SYT1: variants seen among roughly 807,000 people sequenced by gnomAD.
The protein encoded by SYT1 is synaptotagmin-1.
In SYT1, 8 loss-of-function variants were observed where a neutral mutation model predicts 44.8. The ratio of observed to expected loss-of-function variants is 0.18; its 90% CI spans 0.10 to 0.32. The LOEUF (loss-of-function observed/expected upper bound fraction) is 0.32. Among genes scored for constraint, SYT1 ranks in the 10% least tolerant of loss-of-function variants. The pLI is 1.00. For missense variants in SYT1, 286 were observed against 509.3 expected, an observed-to-expected ratio of 0.56 and a Z score of 4.22; for synonymous variants, 154 against 188.8, an observed-to-expected ratio of 0.82 and a Z score of 1.51.
intron 3 of SYT1, among the ~76,000 whole-genome samples, chr12:79,067,139 A>G (rs979981171): frequency 6.6e-6 from 1 of 152,132 alleles, no homozygotes; most frequent in Non-Finnish European, 1.5e-5. Flanking sequence ...TACAAAATAG[A>G]CATGCTTTTT....
At chr12:78,894,924 A>C (rs569915297) in intron 1 of SYT1, among the ~76,000 whole-genome samples, 1 of 151,848 alleles carries the variant, frequency 6.6e-6, no homozygotes, top group Non-Finnish European at 1.5e-5. Flanking sequence ...TGTTCTCACC[A>C]CAAAAAAATA....
intron 9 of SYT1, among the ~76,000 whole-genome samples, chr12:79,433,507 G>T (rs1047569159): frequency 6.6e-6 from 1 of 151,784 alleles, no homozygotes; most frequent in South Asian, 2.1e-4. Flanking sequence ...GAAAAATCTC[G>T]CTAGTGACCT....
chr12:79,113,000 G>T (rs1187733203), intron 3 of SYT1, among the ~76,000 whole-genome samples: 3 of 152,078 alleles, frequency 2.0e-5, no homozygotes, highest in African/African-American at 7.2e-5. Context: ...CAACAGAAGT[G>T]TACAAAGAGA....
At chr12:79,246,252 A>G (rs531096047) in intron 4 of SYT1, among the ~76,000 whole-genome samples, 44 of 152,148 alleles carry the variant, frequency 2.9e-4, no homozygotes, top group Non-Finnish European at 5.3e-4. Context: ...TTTTCAATGT[A>G]GTACTTATTT....
intron 9 of SYT1, among the ~76,000 whole-genome samples, chr12:79,373,602 C>A (rs532456469): frequency 2.0e-5 from 3 of 151,972 alleles, no homozygotes; most frequent in East Asian, 3.9e-4. Context: ...ATGGTCACAT[C>A]AAAAAAATGC....
intron 4 of SYT1, among the ~76,000 whole-genome samples, chr12:79,250,659 CT>C (rs1320761934): frequency 6.6e-6 from 1 of 152,076 alleles, no homozygotes; most frequent in Non-Finnish European, 1.5e-5. Flanking sequence ...CTAGAAGAAT[CT>C]TCATATGATA....
chr12:78,950,282 TTAAA>T (rs1878892575), intron 1 of SYT1, among the ~76,000 whole-genome samples: 1 of 152,098 alleles, frequency 6.6e-6, no homozygotes, highest in Non-Finnish European at 1.5e-5. Flanking sequence ...CAGTGTTTAA[TTAAA>T]TAACTGCATC....
chr12:78,999,810 A>G (rs1015644390), intron 2 of SYT1, among the ~76,000 whole-genome samples: 1 of 152,140 alleles, frequency 6.6e-6, no homozygotes, highest in Admixed American at 6.5e-5. Context: ...TATCCCTACA[A>G]AGAATTCATT....
chr12:79,169,204 T>C (rs569317726), intron 3 of SYT1, among the ~76,000 whole-genome samples: 1 of 152,214 alleles, frequency 6.6e-6, no homozygotes, highest in South Asian at 2.1e-4. Context: ...GAAGTAATTC[T>C]TATTCTTTCT....
At chr12:79,420,839 T>A (rs1317625295) in intron 9 of SYT1, among the ~76,000 whole-genome samples, 6 of 152,068 alleles carry the variant, frequency 3.9e-5, no homozygotes, top group African/African-American at 1.4e-4. Context: ...GAATAAAAGA[T>A]ATTTACTCCT....
intron 4 of SYT1, among the ~76,000 whole-genome samples, chr12:79,233,958 GC>G (rs999767095): frequency 3.5e-4 from 54 of 152,230 alleles, no homozygotes; most frequent in African/African-American, 1.3e-3. Flanking sequence ...ACTTGATTTG[GC>G]CATTCCCTTA....
At chr12:79,333,671 T>C (rs894867297) in intron 8 of SYT1, among the ~76,000 whole-genome samples, 7 of 151,822 alleles carry the variant, frequency 4.6e-5, no homozygotes, top group African/African-American at 1.7e-4. Flanking sequence ...TAGAAAGGGT[T>C]ATTCTACTGG....
chr12:79,435,737 T>A (rs958869847), intron 9 of SYT1, among the ~76,000 whole-genome samples: 2 of 152,208 alleles, frequency 1.3e-5, no homozygotes, highest in Non-Finnish European at 2.9e-5. Context: ...CTTATCAATC[T>A]AAGCTCTATT....
intron 4 of SYT1, among the ~76,000 whole-genome samples, chr12:79,234,788 G>A (rs1342345773): frequency 1.2e-4 from 18 of 145,712 alleles, no homozygotes; most frequent in African/African-American, 1.8e-4. Context: ...TTGGCTCACT[G>A]CAACCTCCGC....
chr12:79,447,817 G>A (rs567745447), intron 10 of SYT1, among the ~76,000 whole-genome samples: 2 of 152,118 alleles, frequency 1.3e-5, no homozygotes, highest in Non-Finnish European at 2.9e-5. Flanking sequence ...CTCTGAAGCT[G>A]TATATCAATG....
At chr12:79,415,104 A>C (rs532432786) in intron 9 of SYT1, among the ~76,000 whole-genome samples, 214 of 151,704 alleles carry the variant, frequency 1.4e-3, no homozygotes, top group African/African-American at 5.1e-3. Flanking sequence ...CTTATTTACA[A>C]TTTGTTTGTT....
intron 4 of SYT1, among the ~76,000 whole-genome samples, chr12:79,235,051 G>T (rs768615671): frequency 2.6e-5 from 4 of 152,150 alleles, no homozygotes; most frequent in African/African-American, 7.2e-5. Flanking sequence ...AAATATTTTT[G>T]GGCAACTCTT....
At chr12:79,185,780 T>C (rs1156648263) in intron 3 of SYT1, among the ~76,000 whole-genome samples, 1 of 152,048 alleles carries the variant, frequency 6.6e-6, no homozygotes, top group Non-Finnish European at 1.5e-5. Flanking sequence ...GATTATTTTA[T>C]AGCAAAGTTA....
At chr12:79,222,378 T>TTAC (rs1418496499) in intron 4 of SYT1, among the ~76,000 whole-genome samples, 2 of 103,100 alleles carry the variant, frequency 1.9e-5, no homozygotes, top group African/African-American at 4.1e-5. Flanking sequence ...ATTTATTTAC[T>TTAC]TTTTTTTTCT....
Sources: allele counts gnomAD v4.1 joint callset (sites outside exome capture counted in the v4.1 genomes callset), GRCh38; gene constraint gnomAD v4.1.1; transcripts MANE v1.5; gene names NCBI Gene and HGNC (gene_info 2026-07-23, HGNC 2026-07-21).